Variants in CLCN5 observed in about 807,000 individuals in gnomAD.
The protein encoded by CLCN5 is Cl-/H+ antiporter 5.
A neutral mutation model predicts 54.0 loss-of-function variants in CLCN5; 17 were observed. The ratio of observed to expected loss-of-function variants is 0.31; its 90% confidence interval spans 0.22 to 0.47. CLCN5 has a LOEUF of 0.47. Ranked by LOEUF, CLCN5 falls within the 20% of genes least tolerant of loss-of-function variation. The pLI, the probability that CLCN5 is intolerant of heterozygous loss-of-function variation, is 1.00. For missense variants in CLCN5, 448 were observed against 646.7 expected, an observed-to-expected ratio of 0.69 and a Z score of 3.33; for synonymous variants, 222 against 233.0, an observed-to-expected ratio of 0.95 and a Z score of 0.43.
chrX:49,970,973 T>C (rs1557176114), intron 3 of CLCN5, among the ~76,000 whole-genome samples: 1 of 111,052 alleles, frequency 9.0e-6, no homozygotes, highest in Non-Finnish European at 1.9e-5. Flanking sequence ...CTTTAATTTC[T>C]TTTAACAGTG....
intron 3 of CLCN5, chrX:50,008,620 A>T: frequency 7.1e-6 from 2 of 281,698 alleles, no homozygotes; most frequent in Admixed American, 7.1e-5. Flanking sequence ...AGTAATGAGC[A>T]TACAGTTGCT....
chrX:49,972,115 GTGTGTGT>G (rs1928249257), intron 3 of CLCN5, among the ~76,000 whole-genome samples: 1 of 10,132 alleles, frequency 9.9e-5, no homozygotes, highest in African/African-American at 3.9e-4. Flanking sequence ...ATTCTCTGGT[GTGTGTGT>G]GTGTGTGTGT....
At chrX:49,939,954 C>T (rs1926240499) in intron 3 of CLCN5, among the ~76,000 whole-genome samples, 1 of 111,679 alleles carries the variant, frequency 9.0e-6, no homozygotes, top group Non-Finnish European at 1.9e-5. Context: ...CAATTCCAGT[C>T]TCTTTTTTCC....
intron 3 of CLCN5, among the ~76,000 whole-genome samples, chrX:50,004,375 G>C (rs936575460): frequency 9.0e-6 from 1 of 111,052 alleles, no homozygotes; most frequent in Non-Finnish European, 1.9e-5. Context: ...GGCAGGAAAA[G>C]GGGACAAGGA....
At chrX:50,017,587 A>C (rs188826565) in intron 3 of CLCN5, among the ~76,000 whole-genome samples, 234 of 110,420 alleles carry the variant, frequency 2.1e-3, no homozygotes, top group African/African-American at 7.3e-3. Context: ...AGCCTACATT[A>C]TTTTCTAGGA....
At chrX:50,029,515 G>C (rs1212526185) in intron 3 of CLCN5, among the ~76,000 whole-genome samples, 3 of 111,248 alleles carry the variant, frequency 2.7e-5, no homozygotes, top group African/African-American at 9.8e-5. Flanking sequence ...GTATTCCATG[G>C]TGTATATGTG....
At chrX:50,014,128 A>G (rs782325499) in intron 3 of CLCN5, among the ~76,000 whole-genome samples, 100 of 111,410 alleles carry the variant, frequency 9.0e-4, no homozygotes, top group Admixed American at 2.3e-3. Flanking sequence ...TGGTGTGCAC[A>G]TCCTGAGCCT....
At chrX:49,950,414 T>C (rs1361862947) in intron 3 of CLCN5, among the ~76,000 whole-genome samples, 5 of 111,721 alleles carry the variant, frequency 4.5e-5, no homozygotes, top group African/African-American at 1.6e-4. Context: ...TTAATATTTA[T>C]TGAATCCTTA....
At chrX:49,958,665 A>G (rs1347714014) in intron 3 of CLCN5, among the ~76,000 whole-genome samples, 2 of 111,467 alleles carry the variant, frequency 1.8e-5, no homozygotes, top group Non-Finnish European at 3.8e-5. Context: ...TGGCCTCTCA[A>G]TCAGGACAGT....
chrX:49,949,733 A>T (rs1189507616), intron 3 of CLCN5, among the ~76,000 whole-genome samples: 1 of 111,646 alleles, frequency 9.0e-6, no homozygotes, highest in African/African-American at 3.3e-5. Flanking sequence ...TTAAACTGTG[A>T]TATAGCTCAG....
At chrX:50,065,187 T>C (rs9779789) in intron 4 of CLCN5, among the ~76,000 whole-genome samples, 9,633 of 81,980 alleles carry the variant, frequency 0.12, 610 homozygotes, top group Admixed American at 0.22. Flanking sequence ...AAAGAGCTTC[T>C]GCACAGCAAA....
At chrX:49,934,548 C>T (rs782015723) in intron 3 of CLCN5, among the ~76,000 whole-genome samples, 3 of 111,450 alleles carry the variant, frequency 2.7e-5, no homozygotes, top group Non-Finnish European at 5.6e-5. Flanking sequence ...TTAGTAATGT[C>T]ATATTTTGAT....
At chrX:50,014,517 C>T in intron 3 of CLCN5, 1 of 304,754 alleles carries the variant, frequency 3.3e-6, no homozygotes, top group Admixed American at 4.0e-5. Context: ...ATGCAAGACT[C>T]TCATTCCTGT....
Position 50,092,270 on chromosome X carries a change from A to G in CLCN5, c.*51A>G. ...GGGAAGGACATTACAGACCATGGAT[A>G]TGTTGTATTAACTGGGTACCCAAAA... On this transcript the variant is annotated 3_prime_UTR_variant, in exon 15 of 15. Transcript: ENST00000376091. 4.6e-6 allele frequency: 4 copies of G among 872,903 alleles called. No individual in the cohort carries two copies. The highest frequency in any genetic ancestry group is 6.8e-6 in the Non-Finnish European group (4 of 588,252). The allele number at this position is 872,903 out of a possible 1,213,427, so 71.9% of individuals were successfully genotyped here.
intron 3 of CLCN5, among the ~76,000 whole-genome samples, chrX:49,935,254 G>C (rs1050899056): frequency 3.6e-5 from 4 of 111,850 alleles, no homozygotes; most frequent in African/African-American, 1.3e-4. Flanking sequence ...ATTTCAGTTG[G>C]TAACATTCCT....
At chrX:50,065,336 CAA>C (rs1441302639) in intron 4 of CLCN5, among the ~76,000 whole-genome samples, 1 of 78,451 alleles carries the variant, frequency 1.3e-5, no homozygotes, top group Non-Finnish European at 2.4e-5. Context: ...ACAACCCCAT[CAA>C]AAAGTGGGCG....
chrX:50,081,796 C>T lies in CLCN5; in HGVS notation c.882C>T (p.Ile294=). Residue 294 remains isoleucine (I), a synonymous_variant, in exon 9 of 15, where the codon ATC becomes ATT. Transcript: ENST00000376091. Reference sequence around the variant, plus strand: ...ACGTGGCTTGCTGCTGTGGGAACATCCTGTGCCACTGCTTCAACAAATACA... The same window carrying T: ...ACGTGGCTTGCTGCTGTGGGAACATTCTGTGCCACTGCTTCAACAAATACA... ...LVHVACCCGN[I]LCHCFNKYRK... The T allele has an allele frequency of 8.3e-7, 1 of 1,211,383 alleles. No individual in the cohort carries two copies. The highest frequency in any genetic ancestry group is 1.1e-6 in the Non-Finnish European group (1 of 895,347).
chrX:50,050,657 CTTT>C (rs1161956431), intron 4 of CLCN5, among the ~76,000 whole-genome samples: 2 of 61,293 alleles, frequency 3.3e-5, no homozygotes, highest in African/African-American at 1.5e-4. Flanking sequence ...GTCTTCTTGG[CTTT>C]TTTTTTTTTT....
At chrX:50,003,272 A>G (rs782421682) in intron 3 of CLCN5, 3 of 369,608 alleles carry the variant, frequency 8.1e-6, no homozygotes, top group South Asian at 2.5e-5. Context: ...GCATGAGCAC[A>G]TGGACAGGTA....
Sources: gnomAD v4.1 joint callset for allele counts (sites outside exome capture counted in the v4.1 genomes callset) on GRCh38, gnomAD v4.1.1 for gene constraint, MANE v1.5 for transcripts, NCBI Gene and HGNC (gene_info 2026-07-23, HGNC 2026-07-21) for gene names.